ZBED6: variants seen among roughly 807,000 people sequenced by gnomAD.
The protein encoded by ZBED6 is zinc finger BED domain-containing protein 6.
ZBED6 carries 40 observed loss-of-function variants against 58.4 expected under a neutral mutation model. That is an observed-to-expected ratio of 0.68 (90% CI 0.53 to 0.89). The LOEUF (loss-of-function observed/expected upper bound fraction) is 0.89. ZBED6 is among the 40% of genes least tolerant of loss of function. ZBED6 has a pLI of 0.00. For missense variants in ZBED6, 1,057 were observed against 1,003.9 expected (o/e 1.05, Z -0.71); for synonymous variants, 439 against 350.6 (o/e 1.25, Z -2.82).
chr1:203,796,930 G>A (rs1035694244), exon 1 of ZBED6: 1 of 153,620 alleles, frequency 6.5e-6, no homozygotes, highest in Non-Finnish European at 1.4e-5. Flanking sequence ...ACCAGTATGC[G>A]GAGTCTGTGT....
chr1:203,799,336 T>C (rs1372848050), exon 1 of ZBED6: 1 of 705,954 alleles, frequency 1.4e-6, no homozygotes, highest in Admixed American at 2.0e-5. Flanking sequence ...ATTGAGAATA[T>C]GTTAGTGGCT....
intron 11 of ZBED6, among the ~76,000 whole-genome samples, chr1:203,841,152 T>A (rs1026324860): frequency 1.5e-5 from 2 of 137,160 alleles, no homozygotes; most frequent in Admixed American, 7.0e-5. Context: ...CTTTTTTTTT[T>A]TTTTATTTTT....
At chr1:203,797,996 C>T (rs527999461) in exon 1 of ZBED6, 1 of 1,533,928 alleles carries the variant, frequency 6.5e-7, no homozygotes, top group South Asian at 1.2e-5. Context: ...AGAAAAGCGT[C>T]AGCAGGGGTA....
In ZBED6 at chr1:203,796,591, T is replaced by A. The variant is rs1668577877; in HGVS notation, c.-932T>A. 1 of 397,378 alleles carries A rather than the reference T, an allele frequency of 2.5e-6. No individual in the cohort carries two copies. Among genetic ancestry groups the A allele is most frequent in the African/African-American group, 2.1e-5 (1 of 48,720 alleles). 24.6% of individuals were successfully genotyped at this position (397,378 alleles called of 1,614,324 possible). A position where few individuals can be genotyped will look rare whatever the true frequency, so the allele number is the denominator to read the frequency against. ...GAGGCTGTGGAACTAGAGATAGCGA[T>A]GCTTTTTAGGGTAAATGTATGTAGG... On this transcript the variant is annotated 5_prime_UTR_variant, in exon 1 of 17. It removes an upstream start codon present in the reference 5' UTR. Transcript: ENST00000550078.
chr1:203,809,145 T>C (rs1673396722), intron 1 of ZBED6, among the ~76,000 whole-genome samples: 1 of 151,024 alleles, frequency 6.6e-6, no homozygotes, highest in East Asian at 2.0e-4. Context: ...TTTCTTATTA[T>C]TTTTGAAGCT....
chr1:203,821,282 C>T (rs570859807), intron 3 of ZBED6, among the ~76,000 whole-genome samples: 11 of 152,300 alleles, frequency 7.2e-5, no homozygotes, highest in African/African-American at 2.6e-4. Flanking sequence ...GAAGCCTCCC[C>T]AGCCATGCAG....
At chr1:203,802,315 T>C (rs1376675097) in exon 1 of ZBED6, 3 of 152,626 alleles carry the variant, frequency 2.0e-5, no homozygotes, top group Non-Finnish European at 4.4e-5. Context: ...TTCATGATAC[T>C]TTGGTATAAG....
rs1017416341 is a variant in ZBED6, at chr1:203,850,360, C to A, written c.*4639-155C>A. On this transcript the variant is annotated intron_variant, in intron 14 of 16. Transcript: ENST00000550078. ...ACCACCTGTAGTGACCACCATGTGA[C>A]CACAAATTGCCTTTGAATCGTTTTC... 5 of 1,129,750 alleles carry A rather than the reference C, an allele frequency of 4.4e-6. No individual in the cohort carries two copies. In the African/African-American group the frequency reaches 4.6e-5, roughly 10 times the overall value. The allele number at this position is 1,129,750 out of a possible 1,614,324, so 70.0% of individuals were successfully genotyped here.
At chr1:203,844,104 A>G (rs1414763220) in intron 11 of ZBED6, among the ~76,000 whole-genome samples, 3 of 152,044 alleles carry the variant, frequency 2.0e-5, no homozygotes, top group Non-Finnish European at 4.4e-5. Flanking sequence ...TGATCTGCCC[A>G]CTTTGGCCTC....
chr1:203,805,728 T>C (rs1672097097), intron 1 of ZBED6: 6 of 664,236 alleles, frequency 9.0e-6, no homozygotes, highest in South Asian at 8.2e-5. Context: ...CTGGCTCATC[T>C]AAATAGAACT....
chr1:203,823,337 C>T (rs1679399852), intron 3 of ZBED6, among the ~76,000 whole-genome samples: 1 of 152,158 alleles, frequency 6.6e-6, no homozygotes, highest in African/African-American at 2.4e-5. Context: ...CACTCTTTTC[C>T]TAGTCATGAA....
chr1:203,846,233 A>G (rs1318451109), intron 11 of ZBED6, among the ~76,000 whole-genome samples: 1 of 147,780 alleles, frequency 6.8e-6, no homozygotes, highest in Non-Finnish European at 1.5e-5. Flanking sequence ...ATTATCATTT[A>G]TTTCATAGCA....
chr1:203,837,984 C>T, exon 10 of ZBED6: 1 of 1,613,860 alleles, frequency 6.2e-7, no homozygotes, highest in Non-Finnish European at 8.5e-7. Context: ...AGTGATCCTC[C>T]ATTAAAGCGT....
intron 3 of ZBED6, among the ~76,000 whole-genome samples, chr1:203,822,052 T>C (rs574919264): frequency 1.6e-4 from 25 of 152,282 alleles, no homozygotes; most frequent in Non-Finnish European, 2.8e-4. Flanking sequence ...CCACCGTGCC[T>C]GGCCCTATGT....
At chr1:203,800,443 A>G in exon 1 of ZBED6, 1 of 1,486,228 alleles carries the variant, frequency 6.7e-7, no homozygotes, top group Non-Finnish European at 8.9e-7. Context: ...CAAAGCAGTG[A>G]AAAAGAAATA....
At chr1:203,850,471 G>C (rs751052997) in intron 14 of ZBED6, 44 bp from the exon 15 acceptor site, 1 of 1,606,780 alleles carries the variant, frequency 6.2e-7, no homozygotes, top group East Asian at 2.2e-5. Flanking sequence ...CCATTTAAAA[G>C]AGTCTATTCT....
Position 203,849,709 on chromosome 1 carries a change from A to G in ZBED6, c.*4323-2A>G. The G allele has an allele frequency of 6.2e-7, 1 of 1,613,340 alleles. No individual in the cohort carries two copies. Among genetic ancestry groups the G allele is most frequent in the Non-Finnish European group, 8.5e-7 (1 of 1,179,594 alleles). ...AATTCTGTCATTCAAATTTATCCAC[A>G]GGCTTCAGGTGAGACCACAGGAGTT... On this transcript the variant is annotated splice_acceptor_variant, in intron 13 of 16. Coordinates refer to ENST00000550078, the Ensembl canonical transcript of ZBED6. LOFTEE classifies it low-confidence loss of function (3UTR_SPLICE).
intron 16 of ZBED6, 58 bp downstream of exon 16, chr1:203,851,182 T>G: frequency 6.7e-7 from 1 of 1,483,688 alleles, no homozygotes; most frequent in African/African-American, 1.4e-5. Context: ...GTTTAGGCTC[T>G]CTAGAGAATA....
intron 5 of ZBED6, 23 bp from the exon 6 acceptor site, chr1:203,829,757 T>G: frequency 6.2e-7 from 1 of 1,613,042 alleles, no homozygotes; most frequent in Non-Finnish European, 8.5e-7. Flanking sequence ...AATTGTGAAT[T>G]TGCCTTAAAT....
Sources: gnomAD v4.1 joint callset for allele counts (sites outside exome capture counted in the v4.1 genomes callset) on GRCh38, gnomAD v4.1.1 for gene constraint, MANE v1.5 for transcripts, NCBI Gene and HGNC (gene_info 2026-07-23, HGNC 2026-07-21) for gene names.